Variants in KHDRBS2 observed in about 807,000 individuals in gnomAD.
The protein encoded by KHDRBS2 is KH domain-containing, RNA-binding, signal transduction-associated protein 2.
KHDRBS2 carries 26 observed loss-of-function variants against 44.3 expected under a neutral mutation model. The observed-to-expected ratio is 0.59, with a 90% CI of 0.43 to 0.81. The LOEUF is 0.81. Among genes scored for constraint, KHDRBS2 ranks in the 40% least tolerant of loss-of-function variants. KHDRBS2 has a pLI of 0.00. For synonymous variants in KHDRBS2, 194 were observed against 151.1 expected, an observed-to-expected ratio of 1.28 and a Z score of -2.08; for missense variants, 476 against 433.1, an observed-to-expected ratio of 1.10 and a Z score of -0.88.
At position 61,894,780 on chromosome 6, in the gene KHDRBS2, G is replaced by T. The variant is rs149633424; in HGVS notation, c.665C>A (p.Thr222Asn). 6 of 1,613,310 alleles carry T rather than the reference G, an allele frequency of 3.7e-6. No individual in the cohort carries two copies. Among genetic ancestry groups the T allele is most frequent in the Admixed American group, 1.7e-5 (1 of 59,940 alleles). Reference sequence around the variant, plus strand: ...ACGGGTTACAGTGCTTCCCCGAGGGGTGAGAACACCTCGTCCAGGTGGTGG... The same window carrying T: ...ACGGGTTACAGTGCTTCCCCGAGGGTTGAGAACACCTCGTCCAGGTGGTGG... Reference protein sequence around the residue: ...PPPPPGRGVLTPRGSTVTRGA... With the variant: ...PPPPPGRGVLNPRGSTVTRGA... Residue 222 changes from threonine to asparagine, a missense_variant, in exon 6 of 9, where the codon ACC (threonine) becomes AAC (asparagine). Physicochemically the swap from Thr to Asn is moderately conservative, Grantham distance 65. Coordinates refer to ENST00000281156, the MANE Select transcript of KHDRBS2 (RefSeq NM_152688.4).
chr6:62,247,624 GT>G (rs1835814170), intron 1 of KHDRBS2, among the ~76,000 whole-genome samples: 1 of 151,944 alleles, frequency 6.6e-6, no homozygotes, highest in South Asian at 2.1e-4. Context: ...TACTCACTGT[GT>G]TGTCTTAGGT....
chr6:61,993,133 G>A (rs1562599684), intron 3 of KHDRBS2, among the ~76,000 whole-genome samples: 1 of 152,096 alleles, frequency 6.6e-6, no homozygotes, highest in Non-Finnish European at 1.5e-5. Flanking sequence ...AAAGTGTAAA[G>A]GCAGAGTATG....
the KHDRBS2 span, among the ~76,000 whole-genome samples, chr6:61,550,481 T>A: frequency 6.6e-6 from 1 of 152,194 alleles, no homozygotes; most frequent in Non-Finnish European, 1.5e-5. Flanking sequence ...GTTATTGTGA[T>A]AGTGCTGCAA....
At chr6:61,965,848 G>A (rs150863001) in intron 4 of KHDRBS2, among the ~76,000 whole-genome samples, 1,617 of 152,004 alleles carry the variant, frequency 0.011, 11 homozygotes, top group Non-Finnish European at 0.015. Context: ...GGAAGGAGAC[G>A]TTTGAGTGAC....
chr6:62,000,107 TACC>T (rs1777963961), intron 3 of KHDRBS2, among the ~76,000 whole-genome samples: 1 of 152,070 alleles, frequency 6.6e-6, no homozygotes, highest in Non-Finnish European at 1.5e-5. Flanking sequence ...TCATACAGAC[TACC>T]ACAATTGTGT....
intron 3 of KHDRBS2, among the ~76,000 whole-genome samples, chr6:62,033,337 A>G (rs1465624141): frequency 1.3e-5 from 2 of 151,988 alleles, no homozygotes; most frequent in Non-Finnish European, 1.5e-5. Flanking sequence ...CTAGAGAAAG[A>G]TATCAATACT....
At chr6:62,096,579 A>G in intron 2 of KHDRBS2, among the ~76,000 whole-genome samples, 1 of 151,646 alleles carries the variant, frequency 6.6e-6, no homozygotes, top group East Asian at 1.9e-4. Flanking sequence ...TTTATTTTTT[A>G]TCTCTGATTT....
In KHDRBS2 at chr6:62,229,093, G is replaced by A. The variant is rs868405290; in HGVS notation, c.92-51781C>T. Among the ~76,000 whole-genome samples, 3 of 152,138 alleles carry A rather than the reference G, an allele frequency of 2.0e-5. No homozygotes were observed. The South Asian group carries it at 6.2e-4, about 32-fold the overall frequency. ...TCATCTGGGCTGCCTGAATTCCTCA[G>A]AATTAGCAGGAGGAAAGTCTAAGTC... On this transcript the variant is annotated intron_variant, in intron 1 of 8. Transcript: ENST00000281156.
chr6:62,227,270 T>G (rs1034715863), intron 1 of KHDRBS2, among the ~76,000 whole-genome samples: 1 of 152,180 alleles, frequency 6.6e-6, no homozygotes, highest in Non-Finnish European at 1.5e-5. Flanking sequence ...AGGTATTCTA[T>G]TCTCTTTGTA....
intron 6 of KHDRBS2, among the ~76,000 whole-genome samples, chr6:61,795,533 T>C (rs1182685400): frequency 6.6e-6 from 1 of 152,152 alleles, no homozygotes; most frequent in Non-Finnish European, 1.5e-5. Context: ...TGATATAAAT[T>C]ATATTTAAAA....
At chr6:62,033,507 C>T (rs1488775149) in intron 3 of KHDRBS2, among the ~76,000 whole-genome samples, 3 of 151,750 alleles carry the variant, frequency 2.0e-5, no homozygotes, top group South Asian at 4.2e-4. Flanking sequence ...CAAATACATC[C>T]GGCAGCAGAC....
chr6:61,939,816 G>A (rs776894020), intron 4 of KHDRBS2, among the ~76,000 whole-genome samples: 68 of 152,262 alleles, frequency 4.5e-4, no homozygotes, highest in African/African-American at 1.4e-3. Flanking sequence ...AGACAAAAGC[G>A]GTTGAAGGCT....
rs1829566958 is a variant in KHDRBS2 at position 62,214,009 on chromosome 6, TA to T, written c.92-36698del. ...GATAAAATATTTAGCCATTTAAGTA[TA>T]AAATTTATTTAGAAAATAGCTAACA... On this transcript the variant is annotated intron_variant, in intron 1 of 8. Transcript: ENST00000281156. 2.0e-5 allele frequency among the ~76,000 whole-genome samples: 3 copies of T among 150,806 alleles called. No individual in the cohort carries two copies. In the South Asian group the frequency reaches 6.4e-4, roughly 32 times the overall value.
chr6:62,135,067 G>A (rs1387974017), intron 2 of KHDRBS2, among the ~76,000 whole-genome samples: 1 of 152,104 alleles, frequency 6.6e-6, no homozygotes, highest in African/African-American at 2.4e-5. Context: ...GATTTGGGAG[G>A]GACCAGGTGC....
chr6:61,630,949 G>A, the KHDRBS2 span, among the ~76,000 whole-genome samples: 2 of 152,146 alleles, frequency 1.3e-5, no homozygotes, highest in South Asian at 2.1e-4. Flanking sequence ...GGATTGCTTT[G>A]GAAACAAATT....
At chr6:62,099,419 G>C (rs1562855269) in intron 2 of KHDRBS2, among the ~76,000 whole-genome samples, 1 of 152,120 alleles carries the variant, frequency 6.6e-6, no homozygotes, top group Non-Finnish European at 1.5e-5. Context: ...TTCAGCAGTA[G>C]GAGGTGTCCT....
intron 2 of KHDRBS2, among the ~76,000 whole-genome samples, chr6:62,124,999 G>C (rs1383436897): frequency 6.6e-6 from 1 of 152,152 alleles, no homozygotes; most frequent in Non-Finnish European, 1.5e-5. Context: ...TAGGGACACT[G>C]AACATTTTTT....
At chr6:61,983,245 T>TTC (rs1774339536) in intron 3 of KHDRBS2, among the ~76,000 whole-genome samples, 2 of 139,988 alleles carry the variant, frequency 1.4e-5, no homozygotes, top group Non-Finnish European at 3.1e-5. Context: ...TCTTTTTTTT[T>TTC]TTTTTTTTTT....
chr6:62,261,586 A>G (rs1479749142), intron 1 of KHDRBS2, among the ~76,000 whole-genome samples: 1 of 151,856 alleles, frequency 6.6e-6, no homozygotes, highest in Non-Finnish European at 1.5e-5. Context: ...ATTTCCCATT[A>G]GTGGCAGCAT....
Sources: allele counts gnomAD v4.1 joint callset (sites outside exome capture counted in the v4.1 genomes callset), GRCh38; gene constraint gnomAD v4.1.1; transcripts MANE v1.5; gene names NCBI Gene and HGNC (gene_info 2026-07-23, HGNC 2026-07-21).